The following TMEM154 variants were observed in gnomAD, a reference collection of about 807,000 sequenced individuals.
The protein encoded by TMEM154 is transmembrane protein 154.
In TMEM154, 27 loss-of-function variants were observed where a neutral mutation model predicts 24.5. The observed-to-expected ratio is 1.10, with a 90% CI of 0.81 to 1.52. The LOEUF is 1.52. Among genes scored for constraint, TMEM154 ranks in the 40% most tolerant of loss-of-function variants. The pLI is 0.00. For synonymous variants in TMEM154, 67 were observed against 76.8 expected, an observed-to-expected ratio of 0.87 and a Z score of 0.67; for missense variants, 228 against 213.4, an observed-to-expected ratio of 1.07 and a Z score of -0.43.
At chr4:152,634,719 C>T (rs1752114741) in intron 6 of TMEM154, among the ~76,000 whole-genome samples, 1 of 152,186 alleles carries the variant, frequency 6.6e-6, no homozygotes, top group Non-Finnish European at 1.5e-5. Flanking sequence ...GGTTATCATC[C>T]TGCAGGATTA....
intron 6 of TMEM154, among the ~76,000 whole-genome samples, chr4:152,632,266 A>T (rs1212907992): frequency 1.3e-5 from 2 of 152,110 alleles, no homozygotes; most frequent in African/African-American, 2.4e-5. Flanking sequence ...ATAAAGCATG[A>T]GGTTGAGCTC....
intron 3 of TMEM154, 145 bp downstream of exon 3, chr4:152,652,393 A>T: frequency 8.0e-7 from 1 of 1,248,018 alleles, no homozygotes. Flanking sequence ...AGGAATATGC[A>T]TATATTCACT....
intron 1 of TMEM154, among the ~76,000 whole-genome samples, chr4:152,661,291 TCTCTCTC>T (rs1561054943): frequency 0.01 from 573 of 56,542 alleles, 10 homozygotes; most frequent in African/African-American, 0.031. Context: ...TCTTTCTCTC[TCTCTCTC>T]TCTCTCTCTC....
chr4:152,634,521 T>C (rs1360317776), intron 6 of TMEM154, among the ~76,000 whole-genome samples: 1 of 152,222 alleles, frequency 6.6e-6, no homozygotes, highest in Non-Finnish European at 1.5e-5. Context: ...ATTGAGGTAA[T>C]GCATCTGGCT....
At chr4:152,672,774 A>T (rs758086276) in intron 1 of TMEM154, among the ~76,000 whole-genome samples, 11 of 152,252 alleles carry the variant, frequency 7.2e-5, no homozygotes, top group Non-Finnish European at 1.5e-4. Context: ...CAAGGCACTC[A>T]TCCCCTAATT....
At chr4:152,664,384 G>C (rs552778653) in intron 1 of TMEM154, among the ~76,000 whole-genome samples, 1 of 149,332 alleles carries the variant, frequency 6.7e-6, no homozygotes, top group African/African-American at 2.5e-5. Flanking sequence ...TGGCGGGGGG[G>C]TACAAGGGGA....
chr4:152,673,306 CTTTA>C (rs1238466226), intron 1 of TMEM154, among the ~76,000 whole-genome samples: 2 of 148,204 alleles, frequency 1.3e-5, no homozygotes, highest in African/African-American at 5.0e-5. Flanking sequence ...TTATTTACTT[CTTTA>C]TTTGTTTTGA....
chr4:152,644,371 C>G, intron 4 of TMEM154, 44 bp downstream of exon 4: 1 of 1,609,078 alleles, frequency 6.2e-7, no homozygotes, highest in Non-Finnish European at 8.5e-7. Context: ...TTAACAGTTG[C>G]TGTTCACACC....
rs748785637 is a variant in TMEM154 at position 152,628,103 on chromosome 4, C to G, written c.*443G>C. The stretch of plus-strand genomic sequence containing the variant: ...TTACCTGTCCCACGACTTGAATAAT[C>G]AGAGGAAATTATCCAAAGCTGGTTA... On this transcript the variant is annotated 3_prime_UTR_variant, in exon 7 of 7. Transcript: ENST00000304385. The G allele has an allele frequency of 2.9e-5, 5 of 174,280 alleles. No individual in the cohort carries two copies. The highest frequency in any genetic ancestry group is 6.1e-5 in the Non-Finnish European group (5 of 81,490). 10.8% of individuals were successfully genotyped at this position (174,280 alleles called of 1,614,324 possible).
chr4:152,642,985 T>C (rs2149780923), intron 5 of TMEM154, 103 bp downstream of exon 5: 1 of 729,874 alleles, frequency 1.4e-6, no homozygotes, highest in Non-Finnish European at 2.3e-6. Context: ...TGGGATTGGG[T>C]TCTTCTGTCT....
intron 1 of TMEM154, among the ~76,000 whole-genome samples, chr4:152,668,103 C>T (rs1488525252): frequency 6.6e-6 from 1 of 152,200 alleles, no homozygotes; most frequent in Non-Finnish European, 1.5e-5. Flanking sequence ...GGTTTGAAGT[C>T]ACTCACTTGG....
chr4:152,634,740 C>T (rs1752115172), intron 6 of TMEM154, among the ~76,000 whole-genome samples: 1 of 152,188 alleles, frequency 6.6e-6, no homozygotes, highest in African/African-American at 2.4e-5. Context: ...TAAACTGTTA[C>T]TTTGTATCCC....
At chr4:152,656,245 C>T (rs1728489362) in intron 1 of TMEM154, among the ~76,000 whole-genome samples, 1 of 152,160 alleles carries the variant, frequency 6.6e-6, no homozygotes, top group Non-Finnish European at 1.5e-5. Context: ...GCCTGGCTAA[C>T]CACTACCATT....
intron 6 of TMEM154, among the ~76,000 whole-genome samples, chr4:152,632,591 T>A (rs1249458408): frequency 6.6e-6 from 1 of 152,246 alleles, no homozygotes; most frequent in East Asian, 1.9e-4. Context: ...GAACACAGTA[T>A]ACCTCTCCAT....
chr4:152,664,161 T>C (rs796522737), intron 1 of TMEM154, among the ~76,000 whole-genome samples: 14 of 152,294 alleles, frequency 9.2e-5, no homozygotes, highest in African/African-American at 2.6e-4. Context: ...AAAGAAAATG[T>C]GGTACATATA....
chr4:152,628,557 T>C lies in TMEM154; in HGVS notation c.541A>G (p.Ser181Gly), dbSNP rs1171030914. 3.8e-6 allele frequency: 4 copies of C among 1,044,172 alleles called. No homozygotes were observed. Among genetic ancestry groups the C allele is most frequent in the Admixed American group, 3.2e-5 (1 of 30,920 alleles). The allele number at this position is 1,044,172 out of a possible 1,614,324, so 64.7% of individuals were successfully genotyped here. The change falls in exon 7 of 7, where the codon AGT becomes GGT. Residue 181 changes from serine to glycine, a missense_variant. By Grantham distance (56) the Ser-to-Gly change is moderately conservative (BLOSUM62 0). Coordinates refer to ENST00000304385, the MANE Select transcript of TMEM154 (RefSeq NM_152680.3). ...AGCGCCATTCAGGTTTAGGATTCACTGTCACTGTAAAAAAAAAAAAAAAAA... is the reference window on the plus strand; with the variant it reads ...AGCGCCATTCAGGTTTAGGATTCACCGTCACTGTAAAAAAAAAAAAAAAAA... ...EKESNHNPSDSES is the reference protein window; with the variant it reads ...EKESNHNPSDGES
intron 6 of TMEM154, among the ~76,000 whole-genome samples, chr4:152,635,293 G>C (rs1338255635): frequency 6.6e-6 from 1 of 152,020 alleles, no homozygotes; most frequent in Non-Finnish European, 1.5e-5. Context: ...TCTATAATTT[G>C]TCTTTTAATT....
At chr4:152,648,770 T>C (rs1276073358) in intron 3 of TMEM154, among the ~76,000 whole-genome samples, 1 of 152,150 alleles carries the variant, frequency 6.6e-6, no homozygotes, top group Non-Finnish European at 1.5e-5. Context: ...ATTTCTGGAT[T>C]TGGAGCCTAA....
rs1447814860 is a variant in TMEM154, at chr4:152,626,851, T to C, written c.*1695A>G. On this transcript the variant is annotated 3_prime_UTR_variant, in exon 7 of 7. Coordinates refer to ENST00000304385, the MANE Select transcript of TMEM154 (RefSeq NM_152680.3). ...GGCAGAAAAATAGACAAGTTATGAT[T>C]CAGAAAACAATTGTATGCAATTTTG... is the stretch of plus-strand genomic sequence containing the variant. 6.6e-6 allele frequency: 1 copy of C among 152,146 alleles called. No individual in the cohort carries two copies. Among genetic ancestry groups the C allele is most frequent in the Non-Finnish European group, 1.5e-5 (1 of 68,018 alleles). 9.4% of individuals were successfully genotyped at this position (152,146 alleles called of 1,614,324 possible).
Sources: allele counts gnomAD v4.1 joint callset (sites outside exome capture counted in the v4.1 genomes callset), GRCh38; gene constraint gnomAD v4.1.1; transcripts MANE v1.5; gene names NCBI Gene and HGNC (gene_info 2026-07-23, HGNC 2026-07-21).